CCBE1: variants seen among roughly 807,000 people sequenced by gnomAD.
The protein encoded by CCBE1 is collagen and calcium binding EGF domains 1.
A neutral mutation model predicts 50.0 loss-of-function variants in CCBE1; 37 were observed. The ratio of observed to expected loss-of-function variants is 0.74; its 90% confidence interval spans 0.57 to 0.97. CCBE1 has a LOEUF of 0.97. Among genes scored for constraint, CCBE1 ranks in the 50% least tolerant of loss-of-function variants. The probability of loss-of-function intolerance (pLI) is 0.00; values close to 1 mark genes in which losing one functional copy is unlikely to be tolerated. For synonymous variants in CCBE1, 234 were observed against 203.7 expected, an observed-to-expected ratio of 1.15 and a Z score of -1.27; for missense variants, 538 against 523.8, an observed-to-expected ratio of 1.03 and a Z score of -0.26.
intron 2 of CCBE1, among the ~76,000 whole-genome samples, chr18:59,483,425 T>A (rs1256663621): frequency 6.6e-6 from 1 of 152,228 alleles, no homozygotes; most frequent in Admixed American, 6.5e-5. Context: ...AAATCTGAAA[T>A]CTGAAATGTT....
intron 2 of CCBE1, among the ~76,000 whole-genome samples, chr18:59,543,854 A>AC (rs928260987): frequency 1.3e-5 from 2 of 151,246 alleles, no homozygotes; most frequent in Admixed American, 6.6e-5. Context: ...AAAAAAAAAA[A>AC]AAAACAGAAA....
chr18:59,693,085 C>G (rs950868908), intron 2 of CCBE1, among the ~76,000 whole-genome samples: 3 of 151,994 alleles, frequency 2.0e-5, no homozygotes, highest in Non-Finnish European at 4.4e-5. Flanking sequence ...CGAGCATACC[C>G]TAAAGCTCTA....
chr18:59,624,306 C>T (rs546010061), intron 2 of CCBE1, among the ~76,000 whole-genome samples: 4 of 152,176 alleles, frequency 2.6e-5, no homozygotes, highest in South Asian at 4.1e-4. Flanking sequence ...AAGGTTCTGA[C>T]AGTATGCTTG....
chr18:59,443,021 A>G (rs2143632349), intron 7 of CCBE1, among the ~76,000 whole-genome samples: 1 of 152,142 alleles, frequency 6.6e-6, no homozygotes, highest in Non-Finnish European at 1.5e-5. Context: ...AATTCTTTTC[A>G]GAGGCCTGTA....
intron 2 of CCBE1, among the ~76,000 whole-genome samples, chr18:59,582,092 T>G (rs1429588): frequency 6.6e-6 from 1 of 151,964 alleles, no homozygotes; most frequent in Admixed American, 6.5e-5. Flanking sequence ...ACTTGACTGG[T>G]CTGCCACTGT....
chr18:59,620,934 A>T (rs1299528927), intron 2 of CCBE1, among the ~76,000 whole-genome samples: 2 of 152,238 alleles, frequency 1.3e-5, no homozygotes, highest in African/African-American at 4.8e-5. Context: ...CTGTCCAGGC[A>T]ATCGGACTTC....
At chr18:59,551,020 A>AG (rs1568201619) in intron 2 of CCBE1, among the ~76,000 whole-genome samples, 36 of 121,954 alleles carry the variant, frequency 3.0e-4, no homozygotes, top group African/African-American at 1.1e-3. Flanking sequence ...AAAAAAAAAA[A>AG]AAAAAAAAAG....
At chr18:59,564,629 G>C (rs1334523539) in intron 2 of CCBE1, among the ~76,000 whole-genome samples, 1 of 152,206 alleles carries the variant, frequency 6.6e-6, no homozygotes, top group Admixed American at 6.5e-5. Flanking sequence ...ATTTTATGAA[G>C]TCTTTGGGAT....
intron 2 of CCBE1, among the ~76,000 whole-genome samples, chr18:59,660,735 T>TTC (rs142859524): frequency 0.4 from 60,799 of 151,536 alleles, 13,073 homozygotes; most frequent in African/African-American, 0.56. Flanking sequence ...GTATTTTTTT[T>TTC]AAATATGATA....
In CCBE1 at chr18:59,582,347, T is replaced by C. The variant is rs9960215; in HGVS notation, c.213-102109A>G. Among the ~76,000 whole-genome samples the C allele has an allele frequency of 9.0e-3, 1,366 of 152,314 alleles. 14 individuals are homozygous for C. The highest frequency in any genetic ancestry group is 0.031 in the African/African-American group (1,272 of 41,568). On this transcript the variant is annotated intron_variant, in intron 2 of 10. Transcript: ENST00000439986. ...ACTTCCACTGATTTCTTCTAGGGTC[T>C]TAGACTTCAGAGGTGATGTTGTCCA...
chr18:59,687,077 C>CA (rs1167702397), intron 2 of CCBE1, among the ~76,000 whole-genome samples: 5 of 152,028 alleles, frequency 3.3e-5, no homozygotes, highest in African/African-American at 1.2e-4. Context: ...TTTCACACCA[C>CA]AAAAAAATTG....
At chr18:59,595,539 A>AC (rs1481918991) in intron 2 of CCBE1, among the ~76,000 whole-genome samples, 5 of 152,338 alleles carry the variant, frequency 3.3e-5, no homozygotes, top group Middle Eastern at 3.4e-3. Context: ...CATCACCATT[A>AC]CCTGAGTCCC....
At chr18:59,554,772 G>A (rs1008067364) in intron 2 of CCBE1, among the ~76,000 whole-genome samples, 1 of 152,226 alleles carries the variant, frequency 6.6e-6, no homozygotes, top group Non-Finnish European at 1.5e-5. Context: ...CCATAGTCCA[G>A]CAGGGGTTAC....
intron 2 of CCBE1, among the ~76,000 whole-genome samples, chr18:59,485,467 AAGGCCAAGTGAATT>A (rs1912770782): frequency 6.6e-6 from 1 of 152,076 alleles, no homozygotes; most frequent in Non-Finnish European, 1.5e-5. Context: ...GTGACCATGA[AAGGCCAAGTGAATT>A]AGCAAATATT....
chr18:59,545,299 A>G (rs539849123), intron 2 of CCBE1, among the ~76,000 whole-genome samples: 1 of 149,586 alleles, frequency 6.7e-6, no homozygotes, highest in African/African-American at 2.4e-5. Context: ...CTATTATAAA[A>G]GACTCCAAAT....
At chr18:59,681,084 C>G (rs895724157) in intron 2 of CCBE1, among the ~76,000 whole-genome samples, 2 of 149,422 alleles carry the variant, frequency 1.3e-5, no homozygotes, top group African/African-American at 4.9e-5. Flanking sequence ...TGTTTGGTAT[C>G]TTTTTAAACA....
chr18:59,548,058 C>T (rs140751473), intron 2 of CCBE1, among the ~76,000 whole-genome samples: 4 of 152,334 alleles, frequency 2.6e-5, no homozygotes, highest in Non-Finnish European at 5.9e-5. Flanking sequence ...GTCACAGTGC[C>T]ATCACGTGAT....
chr18:59,636,331 A>G (rs559660357), intron 2 of CCBE1, among the ~76,000 whole-genome samples: 1 of 152,354 alleles, frequency 6.6e-6, no homozygotes, highest in African/African-American at 2.4e-5. Flanking sequence ...ACATCTTGGC[A>G]CTACCTAGAA....
At position 59,569,130 on chromosome 18, in the gene CCBE1, G is replaced by A. The variant is rs114521494; in HGVS notation, c.213-88892C>T. On this transcript the variant is annotated intron_variant, in intron 2 of 10. Transcript: ENST00000439986. ...TTTATTCAAACAATTCTCCTCACAT[G>A]AGTGGCTACCCAGCAAGTCTGGCTC... Among the ~76,000 whole-genome samples the A allele has an allele frequency of 2.4e-3, 370 of 152,294 alleles. 4 individuals are homozygous for A. The highest frequency in any genetic ancestry group is 8.5e-3 in the African/African-American group (354 of 41,560).
Sources: allele counts gnomAD v4.1 joint callset (sites outside exome capture counted in the v4.1 genomes callset), GRCh38; gene constraint gnomAD v4.1.1; transcripts MANE v1.5; gene names NCBI Gene and HGNC (gene_info 2026-07-23, HGNC 2026-07-21).